KLHL29: variants seen among roughly 807,000 people sequenced by gnomAD.
KLHL29 encodes kelch-like protein 29.
A neutral mutation model predicts 80.4 loss-of-function variants in KLHL29; 21 were observed. The ratio of observed to expected loss-of-function variants is 0.26; its 90% confidence interval spans 0.19 to 0.38. The LOEUF (loss-of-function observed/expected upper bound fraction) is 0.38, where lower values mean the gene tolerates loss of function less well. KLHL29 is among the 10% of genes least tolerant of loss of function. KLHL29 has a pLI of 1.00. For synonymous variants in KLHL29, 511 were observed against 526.8 expected, an observed-to-expected ratio of 0.97 and a Z score of 0.41; for missense variants, 867 against 1,223.9, an observed-to-expected ratio of 0.71 and a Z score of 4.35.
chr2:23,528,759 G>T (rs946294022), intron 2 of KLHL29, among the ~76,000 whole-genome samples: 1 of 152,196 alleles, frequency 6.6e-6, no homozygotes, highest in Non-Finnish European at 1.5e-5. Flanking sequence ...TTGGACACAC[G>T]TATTTACTTT....
chr2:23,643,220 C>CGCA (rs3832078), intron 5 of KLHL29: 41,660 of 413,934 alleles, frequency 0.1, 4,774 homozygotes, highest in East Asian at 0.46. Context: ...CTCAGGGCAC[C>CGCA]GCAGAACAGT....
chr2:23,541,772 CA>C (rs545375731), intron 2 of KLHL29, among the ~76,000 whole-genome samples: 140 of 137,454 alleles, frequency 1.0e-3, no homozygotes, highest in Middle Eastern at 3.7e-3. Flanking sequence ...ACCCAAAAAA[CA>C]AAAAAAAAAA....
intron 3 of KLHL29, among the ~76,000 whole-genome samples, chr2:23,576,617 C>A (rs1667849892): frequency 6.6e-6 from 1 of 152,208 alleles, no homozygotes; most frequent in Non-Finnish European, 1.5e-5. Flanking sequence ...GTTCCCTCAC[C>A]GGGCTGATGG....
At chr2:23,533,296 C>T (rs992722082) in intron 2 of KLHL29, among the ~76,000 whole-genome samples, 4 of 152,092 alleles carry the variant, frequency 2.6e-5, no homozygotes, top group South Asian at 2.1e-4. Flanking sequence ...GGGTTTGATG[C>T]GGACTCTTGC....
intron 1 of KLHL29, among the ~76,000 whole-genome samples, chr2:23,460,783 T>A (rs1391789528): frequency 6.8e-6 from 1 of 146,100 alleles, no homozygotes; most frequent in African/African-American, 2.6e-5. Context: ...ACTCAGGAGC[T>A]TCCCGTGAAG....
chr2:23,440,022 G>T (rs1354877573), intron 1 of KLHL29, among the ~76,000 whole-genome samples: 1 of 150,988 alleles, frequency 6.6e-6, no homozygotes, highest in African/African-American at 2.4e-5. Flanking sequence ...ATATTTAGGA[G>T]AGTTAGCTTT....
intron 1 of KLHL29, among the ~76,000 whole-genome samples, chr2:23,446,370 A>G (rs976078827): frequency 6.6e-6 from 1 of 152,008 alleles, no homozygotes; most frequent in Admixed American, 6.6e-5. Flanking sequence ...GATCTGTCAG[A>G]CCCAAGGTTC....
At chr2:23,467,673 A>G (rs1313257711) in intron 1 of KLHL29, among the ~76,000 whole-genome samples, 2 of 152,238 alleles carry the variant, frequency 1.3e-5, no homozygotes, top group Non-Finnish European at 2.9e-5. Flanking sequence ...AAGGAAAGGC[A>G]GAATCATGAA....
chr2:23,490,622 T>C (rs562341079), intron 2 of KLHL29, among the ~76,000 whole-genome samples: 4 of 152,324 alleles, frequency 2.6e-5, no homozygotes, highest in South Asian at 4.1e-4. Context: ...CCTACATTGA[T>C]TGGATTTAAA....
chr2:23,525,723 C>A (rs867389195), intron 2 of KLHL29, among the ~76,000 whole-genome samples: 1 of 52,936 alleles, frequency 1.9e-5, no homozygotes, highest in Admixed American at 2.6e-4. Context: ...AGCCCCAGCC[C>A]CTGCCCCCCC....
intron 2 of KLHL29, among the ~76,000 whole-genome samples, chr2:23,484,300 C>G (rs538568578): frequency 1.3e-5 from 2 of 152,302 alleles, no homozygotes; most frequent in Admixed American, 1.3e-4. Context: ...CACACAGAGC[C>G]CGAGCTCACC....
intron 3 of KLHL29, among the ~76,000 whole-genome samples, chr2:23,611,865 C>T (rs1012018672): frequency 1.6e-4 from 22 of 139,536 alleles, no homozygotes; most frequent in African/African-American, 2.4e-4. Flanking sequence ...AATTCAATGT[C>T]GAGTTTAACA....
intron 1 of KLHL29, among the ~76,000 whole-genome samples, chr2:23,438,159 T>C (rs1047076781): frequency 6.6e-6 from 1 of 150,592 alleles, no homozygotes; most frequent in Non-Finnish European, 1.5e-5. Flanking sequence ...TACATTGATT[T>C]TGTATCCTGA....
intron 1 of KLHL29, among the ~76,000 whole-genome samples, chr2:23,422,098 TTG>T (rs1247898074): frequency 1.3e-5 from 2 of 151,536 alleles, no homozygotes; most frequent in East Asian, 3.9e-4. Context: ...GTCTGTATGT[TTG>T]TGTGAGTGTG....
intron 3 of KLHL29, among the ~76,000 whole-genome samples, chr2:23,612,948 G>A (rs758430197): frequency 1.2e-4 from 19 of 152,018 alleles, no homozygotes; most frequent in Non-Finnish European, 2.5e-4. Context: ...TATATAGAGA[G>A]AAATAAATGC....
At chr2:23,483,041 A>C (rs920090849) in intron 2 of KLHL29, among the ~76,000 whole-genome samples, 2 of 152,244 alleles carry the variant, frequency 1.3e-5, no homozygotes, top group African/African-American at 4.8e-5. Flanking sequence ...TGATAAATGC[A>C]GCAAAAAGAA....
At chr2:23,397,609 A>G (rs921413683) in intron 1 of KLHL29, among the ~76,000 whole-genome samples, 12 of 152,248 alleles carry the variant, frequency 7.9e-5, no homozygotes, top group African/African-American at 2.9e-4. Flanking sequence ...GTTGCCCATC[A>G]GGCCCTTATT....
At chr2:23,560,718 G>C (rs1272165652) in intron 2 of KLHL29, among the ~76,000 whole-genome samples, 1 of 152,228 alleles carries the variant, frequency 6.6e-6, no homozygotes, top group Non-Finnish European at 1.5e-5. Context: ...CTGCAGGGTG[G>C]GTTCAGGTCT....
chr2:23,572,164 G>A (rs1288877156), intron 3 of KLHL29, among the ~76,000 whole-genome samples: 1 of 152,186 alleles, frequency 6.6e-6, no homozygotes, highest in East Asian at 1.9e-4. Flanking sequence ...TGGTACGTGA[G>A]CCAGGAGGTC....
Sources: allele counts gnomAD v4.1 joint callset (sites outside exome capture counted in the v4.1 genomes callset), GRCh38; gene constraint gnomAD v4.1.1; transcripts MANE v1.5; gene names NCBI Gene and HGNC (gene_info 2026-07-23, HGNC 2026-07-21).